The following MTMR4 variants were observed in gnomAD, a reference collection of about 807,000 sequenced individuals.
MTMR4 encodes myotubularin related protein 4.
MTMR4 carries 30 observed loss-of-function variants against 125.5 expected under a neutral mutation model. The observed-to-expected ratio is 0.24, with a 90% CI of 0.18 to 0.32. MTMR4 has a LOEUF of 0.32. Ranked by LOEUF, MTMR4 falls within the 10% of genes least tolerant of loss-of-function variation. The probability of loss-of-function intolerance (pLI) is 1.00; values close to 1 mark genes in which losing one functional copy is unlikely to be tolerated. For missense variants in MTMR4, 1,039 were observed against 1,511.5 expected (o/e 0.69, Z 5.18); for synonymous variants, 498 against 564.5 (o/e 0.88, Z 1.67).
At chr17:58,502,573 A>C (rs1006080614) in intron 14 of MTMR4, among the ~76,000 whole-genome samples, 18 of 152,176 alleles carry the variant, frequency 1.2e-4, no homozygotes, top group Non-Finnish European at 2.5e-4. Flanking sequence ...CTGGTTATAT[A>C]AATTGTGGAC....
At chr17:58,516,178 A>T (rs1229456046), upstream of MTMR4, among the ~76,000 whole-genome samples, 1 of 152,200 alleles carries the variant, frequency 6.6e-6, no homozygotes, top group Non-Finnish European at 1.5e-5. Context: ...TATAGCATCC[A>T]CAATATTCAA....
Position 58,511,519 on chromosome 17 carries a change from G to T in MTMR4, c.253-8C>A. On this transcript the variant is annotated splice_region_variant and splice_polypyrimidine_tract_variant and intron_variant, in intron 3 of 17. Transcript: ENST00000682306. Reference sequence around the variant, plus strand: ...AATCATCCGGAGGGGGACCTGTAGAGGAAGGGCAAACTGAAGCTCAGACTC... The same window carrying T: ...AATCATCCGGAGGGGGACCTGTAGATGAAGGGCAAACTGAAGCTCAGACTC... The T allele has an allele frequency of 6.2e-7, 1 of 1,611,738 alleles. No homozygotes were observed. Among genetic ancestry groups the T allele is most frequent in the Non-Finnish European group, 8.5e-7 (1 of 1,178,730 alleles).
At chr17:58,499,169 T>G (rs1160458099) in intron 14 of MTMR4, among the ~76,000 whole-genome samples, 1 of 151,996 alleles carries the variant, frequency 6.6e-6, no homozygotes, top group Admixed American at 6.5e-5. Flanking sequence ...CTCAATGACC[T>G]GTCCTATATT....
chr17:58,506,012 A>G (rs1975770755), intron 9 of MTMR4, among the ~76,000 whole-genome samples: 1 of 152,252 alleles, frequency 6.6e-6, no homozygotes, highest in South Asian at 2.1e-4. Context: ...ACTCCAGGAT[A>G]GGAACTAAAT....
rs1460271169 is a variant in MTMR4 at position 58,512,824 on chromosome 17, T to G, written c.135+28A>C. 6.3e-7 allele frequency: 1 copy of G among 1,585,292 alleles called. No individual in the cohort carries two copies. The highest frequency in any genetic ancestry group is 8.7e-7 in the Non-Finnish European group (1 of 1,154,670). On this transcript the variant is annotated intron_variant, in intron 2 of 17. Coordinates refer to ENST00000682306, the MANE Select transcript of MTMR4 (RefSeq NM_001378067.1). The surrounding 1 kb of genome is among the most constrained non-coding windows in gnomAD (Gnocchi z 4.1). ...TTTTTTAACTGGGCAGGGAGCCCCA[T>G]CTATCCTGGCCCCCAACTCCTCCTT... is the stretch of plus-strand genomic sequence containing the variant.
rs1450404257 is a variant in MTMR4 at position 58,508,509 on chromosome 17, C to T, written c.552G>A (p.Leu184=). The T allele has an allele frequency of 3.1e-6, 5 of 1,614,124 alleles. No homozygotes were observed. The Admixed American group carries it at 5.0e-5, about 16-fold the overall frequency. Residue 184 remains leucine (L), a synonymous_variant, in exon 6 of 18, where the codon CTG becomes CTA. Coordinates refer to ENST00000682306, the MANE Select transcript of MTMR4 (RefSeq NM_001378067.1). This position sits in a 1 kb window ranked among gnomAD's most constrained non-coding sequence, Gnocchi z 4.8. ...TGTGTGAGACTCTCCAGACGTTCTG[C>T]AGGTCAAAGCCCATCCTTGCAAGCT... is the stretch of plus-strand genomic sequence containing the variant. The part of the protein sequence containing the change: ...EAELARMGFD[L]QNVWRVSHIN...
intron 4 of MTMR4, among the ~76,000 whole-genome samples, chr17:58,509,434 A>ATTTTT: frequency 7.4e-6 from 1 of 135,566 alleles, no homozygotes. Context: ...TTTTTTTGAG[A>ATTTTT]GAGGGTCTTG....
At position 58,504,382 on chromosome 17, in the gene MTMR4, A is replaced by G; in HGVS notation, c.1448T>C (p.Val483Ala). 8 of 1,614,170 alleles carry G rather than the reference A, an allele frequency of 5.0e-6. No individual in the cohort carries two copies. The highest frequency in any genetic ancestry group is 6.8e-6 in the Non-Finnish European group (8 of 1,180,020). ...NVEDQNEQCP[V>A]FLQWLDSVHQ... ...AACAGAATCAAGCCACTGGAGGAACACAGGGCATTGTTCGTTTTGGTCCTC... is the reference window on the plus strand; with the variant it reads ...AACAGAATCAAGCCACTGGAGGAACGCAGGGCATTGTTCGTTTTGGTCCTC... The change falls in exon 12 of 18, where the codon GTG (valine) becomes GCG (alanine). Residue 483 changes from valine (V) to alanine (A), a missense_variant. Physicochemically the swap from Val to Ala is moderately conservative, Grantham distance 64 (BLOSUM62 0). Around this residue, in one of 6 missense-constraint regions of MTMR4, gnomAD observed 107 missense variants for 267.4 expected, o/e 0.40. Transcript: ENST00000682306. This position sits in a 1 kb window ranked among gnomAD's most constrained non-coding sequence, Gnocchi z 7.1.
intron 17 of MTMR4, 29 bp from the exon 18 acceptor site, chr17:58,491,869 A>G (rs1196312606): frequency 6.2e-7 from 1 of 1,604,342 alleles, no homozygotes. Context: ...GGAAGAGTTC[A>G]TCAGAAATGC....
rs932549044 is a variant in MTMR4, at chr17:58,514,471, G to A, written c.-64C>T. ...GCCGCTGCGCTGCCCGCCAGCCCCG[G>A]GCGCCCGCCGCATCCCGGCTGCGGG... On this transcript the variant is annotated 5_prime_UTR_variant, in exon 1 of 18. Transcript: ENST00000682306. The A allele has an allele frequency of 4.0e-5, 39 of 984,950 alleles. No individual in the cohort carries two copies. The African/African-American group carries it at 6.5e-4, about 16-fold the overall frequency. The allele number at this position is 984,950 out of a possible 1,614,324, so 61.0% of individuals were successfully genotyped here.
At chr17:58,517,806 C>G (rs1203126983), upstream of MTMR4, 2 of 152,864 alleles carry the variant, frequency 1.3e-5, no homozygotes, top group Non-Finnish European at 2.9e-5. Context: ...GCAGGGGGCA[C>G]GGTGACTCAC....
chr17:58,505,431 A>G (rs755625093), intron 10 of MTMR4, 41 bp downstream of exon 10: 3 of 1,472,172 alleles, frequency 2.0e-6, no homozygotes. Context: ...GGTACTGGGT[A>G]AGGAATGAGA....
chr17:58,508,390 G>A lies in MTMR4; in HGVS notation c.593+78C>T, dbSNP rs1567935823. ...TGAGCCTTCCTCCCTCTCAGACTCA[G>A]AAGCTGTGCCCACCACACTTTATCC... On this transcript the variant is annotated intron_variant, in intron 6 of 17. Transcript: ENST00000682306. This position sits in a 1 kb window ranked among gnomAD's most constrained non-coding sequence, Gnocchi z 4.8. 35 of 1,565,242 alleles carry A rather than the reference G, an allele frequency of 2.2e-5. No homozygotes were observed. The highest frequency in any genetic ancestry group is 3.1e-5 in the Non-Finnish European group (35 of 1,135,718).
rs749212318 is a variant in MTMR4, at chr17:58,504,835, G to A, written c.1285C>T (p.Pro429Ser). 3 of 1,613,982 alleles carry A rather than the reference G, an allele frequency of 1.9e-6. No individual in the cohort carries two copies. Among genetic ancestry groups the A allele is most frequent in the Non-Finnish European group, 2.5e-6 (3 of 1,179,992 alleles). ...ATTTTGGCCAGGGCTACGATCTGCGGTGTGCGGTCCCAGCCATCTGAGCAG... is the reference window on the plus strand; with the variant it reads ...ATTTTGGCCAGGGCTACGATCTGCGATGTGCGGTCCCAGCCATCTGAGCAG... ...VHCSDGWDRTPQIVALAKILL... is the reference protein window; with the variant it reads ...VHCSDGWDRTSQIVALAKILL... Residue 429 changes from proline to serine, a missense_variant, in exon 11 of 18, where the codon CCG becomes TCG. Around this residue, in one of 6 missense-constraint regions of MTMR4, gnomAD observed 107 missense variants for 267.4 expected, o/e 0.40. Coordinates refer to ENST00000682306, the MANE Select transcript of MTMR4 (RefSeq NM_001378067.1). The surrounding 1 kb of genome is among the most constrained non-coding windows in gnomAD (Gnocchi z 7.1).
At position 58,514,396 on chromosome 17, in the gene MTMR4, G is replaced by T; in HGVS notation, c.12C>A (p.Thr4=). The change falls in exon 1 of 18, where the codon ACC becomes ACA. Residue 4 remains threonine (T), a synonymous_variant. Coordinates refer to ENST00000682306, the MANE Select transcript of MTMR4 (RefSeq NM_001378067.1). MSL[T]ARVSCSMLSC... ...TAAGCATGGAGCAGGAGACGCGGGC[G>T]GTCAGGCTCATGGTCGCGGGCGGTC... 1.0e-6 allele frequency: 1 copy of T among 986,702 alleles called. No individual in the cohort carries two copies. The highest frequency in any genetic ancestry group is 1.2e-6 in the Non-Finnish European group (1 of 830,252). The allele number at this position is 986,702 out of a possible 1,614,324, so 61.1% of individuals were successfully genotyped here.
rs1975316005 is a variant in MTMR4, at chr17:58,491,609, G to A, written c.*54C>T. The A allele has an allele frequency of 1.3e-6, 2 of 1,552,532 alleles. No individual in the cohort carries two copies. The highest frequency in any genetic ancestry group is 4.6e-5 in the East Asian group (2 of 43,832). On this transcript the variant is annotated 3_prime_UTR_variant, in exon 18 of 18. Coordinates refer to ENST00000682306, the MANE Select transcript of MTMR4 (RefSeq NM_001378067.1). The stretch of plus-strand genomic sequence containing the variant: ...CCAAGGAACCTTCCAAACTACAACT[G>A]AAGAAGATCCTCCCTTCAAACCTGC...
chr17:58,498,715 T>C (rs1342194084), intron 14 of MTMR4, among the ~76,000 whole-genome samples: 2 of 152,146 alleles, frequency 1.3e-5, no homozygotes, highest in Non-Finnish European at 2.9e-5. Context: ...TTGAGCTGCC[T>C]ACAACACACC....
Position 58,490,073 on chromosome 17 carries a change from A to G in MTMR4, c.*1590T>C, listed in dbSNP as rs1260910261. ...TTTTTAGGTTACATCTATGGCAAGT[A>G]CAAAAGAACCACAGATGCGTCTCTG... is the stretch of plus-strand genomic sequence containing the variant. On this transcript the variant is annotated 3_prime_UTR_variant, in exon 18 of 18. Transcript: ENST00000682306. 1 of 152,634 alleles carries G rather than the reference A, an allele frequency of 6.6e-6. No homozygotes were observed. The highest frequency in any genetic ancestry group is 2.4e-5 in the African/African-American group (1 of 41,464). The allele number at this position is 152,634 out of a possible 1,614,324, so 9.5% of individuals were successfully genotyped here. A position where few individuals can be genotyped will look rare whatever the true frequency, so the allele number is the denominator to read the frequency against.
chr17:58,504,625 AC>A lies in MTMR4; in HGVS notation c.1342-138del. The A allele has an allele frequency of 7.4e-7, 1 of 1,351,372 alleles. No homozygotes were observed. Among genetic ancestry groups the A allele is most frequent in the Admixed American group, 2.4e-5 (1 of 42,174 alleles). 83.7% of individuals were successfully genotyped at this position (1,351,372 alleles called of 1,614,324 possible). On this transcript the variant is annotated intron_variant, in intron 11 of 17. Transcript: ENST00000682306. The surrounding 1 kb of genome is among the most constrained non-coding windows in gnomAD (Gnocchi z 7.1). ...TGGACCTAGAAGAGGACTCAAAGCC[AC>A]CAATTTTCCAAGCCTTTGGGAGTTG...
Sources: gnomAD v4.1 joint callset for allele counts (sites outside exome capture counted in the v4.1 genomes callset) on GRCh38, gnomAD v4.1.1 for gene constraint, gnomAD v4.1.1 regional missense constraint, Gnocchi (gnomAD v3.1) non-coding constraint, MANE v1.5 for transcripts, NCBI Gene and HGNC (gene_info 2026-07-23, HGNC 2026-07-21) for gene names.